Variants in FUT9 observed in about 807,000 individuals in gnomAD.
The protein encoded by FUT9 is 4-galactosyl-N-acetylglucosaminide 3-alpha-L-fucosyltransferase 9.
FUT9 carries 15 observed loss-of-function variants against 29.7 expected under a neutral mutation model. The observed-to-expected ratio is 0.51, with a 90% CI of 0.34 to 0.78. The LOEUF (loss-of-function observed/expected upper bound fraction) is 0.78, where lower values mean the gene tolerates loss of function less well. FUT9 is among the 30% of genes least tolerant of loss of function. The probability of loss-of-function intolerance (pLI) is 0.01; values close to 1 mark genes in which losing one functional copy is unlikely to be tolerated. For missense variants in FUT9, 319 were observed against 425.4 expected, an observed-to-expected ratio of 0.75 and a Z score of 2.20; for synonymous variants, 169 against 153.7, an observed-to-expected ratio of 1.10 and a Z score of -0.74.
intron 1 of FUT9, among the ~76,000 whole-genome samples, chr6:96,082,187 T>A (rs1446127745): frequency 6.6e-6 from 1 of 151,780 alleles, no homozygotes; most frequent in Non-Finnish European, 1.5e-5. Context: ...ATTTTCCTTT[T>A]GAGTTTGGAT....
intron 1 of FUT9, among the ~76,000 whole-genome samples, chr6:96,063,742 G>C (rs1770915575): frequency 6.6e-6 from 1 of 152,104 alleles, no homozygotes; most frequent in African/African-American, 2.4e-5. Flanking sequence ...TACATAAAGT[G>C]GGAAGCAAAA....
chr6:96,085,342 T>C (rs1333551249), intron 1 of FUT9, among the ~76,000 whole-genome samples: 2 of 152,146 alleles, frequency 1.3e-5, no homozygotes, highest in Non-Finnish European at 2.9e-5. Context: ...AAGGGCCCTC[T>C]TCCCTCATAG....
intron 2 of FUT9, among the ~76,000 whole-genome samples, chr6:96,177,128 C>G (rs905110551): frequency 6.6e-6 from 1 of 152,108 alleles, no homozygotes; most frequent in Non-Finnish European, 1.5e-5. Context: ...TTAGATCAAA[C>G]CCAGAGAACT....
At chr6:96,132,177 ATTAT>A (rs1772257746) in intron 2 of FUT9, among the ~76,000 whole-genome samples, 1 of 150,642 alleles carries the variant, frequency 6.6e-6, no homozygotes, top group Non-Finnish European at 1.5e-5. Flanking sequence ...TGTTTTTGAT[ATTAT>A]TTGTTTTTTT....
intron 1 of FUT9, chr6:96,036,590 C>T (rs1203281566): frequency 2.6e-5 from 4 of 151,878 alleles, no homozygotes; most frequent in Non-Finnish European, 4.4e-5. Context: ...TACATTTAAT[C>T]ATGATTGTTA....
chr6:96,211,841 T>C lies in FUT9; in HGVS notation c.*7606T>C. On this transcript the variant is annotated 3_prime_UTR_variant, in exon 3 of 3. Transcript: ENST00000302103. Reference sequence around the variant, plus strand: ...CTTTAAAGAGTATTAGAAATGTCTGTTATGTCAGTAACATTAGAAAACTTC... The same window carrying C: ...CTTTAAAGAGTATTAGAAATGTCTGCTATGTCAGTAACATTAGAAAACTTC... 1 of 360,614 alleles carries C rather than the reference T, an allele frequency of 2.8e-6. No homozygotes were observed. The highest frequency in any genetic ancestry group is 4.7e-5 in the Admixed American group (1 of 21,354). The allele number at this position is 360,614 out of a possible 1,614,324, so 22.3% of individuals were successfully genotyped here.
chr6:96,098,893 G>A (rs889492573), intron 1 of FUT9, among the ~76,000 whole-genome samples: 3 of 152,074 alleles, frequency 2.0e-5, no homozygotes, highest in African/African-American at 7.2e-5. Flanking sequence ...ACTTTTCCCT[G>A]AGATACTGTT....
At chr6:96,084,995 T>G (rs1771291971) in intron 1 of FUT9, among the ~76,000 whole-genome samples, 1 of 152,186 alleles carries the variant, frequency 6.6e-6, no homozygotes, top group Non-Finnish European at 1.5e-5. Context: ...ATAATTTCTA[T>G]CCACATTGCT....
chr6:96,068,788 A>G (rs1420953206), intron 1 of FUT9, among the ~76,000 whole-genome samples: 1 of 152,190 alleles, frequency 6.6e-6, no homozygotes, highest in Non-Finnish European at 1.5e-5. Context: ...CCTTCATGCC[A>G]TTGTGAAAAT....
chr6:96,093,818 A>G (rs142080363), intron 1 of FUT9, among the ~76,000 whole-genome samples: 21 of 152,258 alleles, frequency 1.4e-4, no homozygotes, highest in Non-Finnish European at 2.2e-4. Context: ...AGGAAGGTAT[A>G]CATTACTGTT....
At chr6:96,200,713 G>A (rs1286413426) in intron 2 of FUT9, among the ~76,000 whole-genome samples, 4 of 152,072 alleles carry the variant, frequency 2.6e-5, no homozygotes, top group Non-Finnish European at 4.4e-5. Context: ...CTCACAGGAA[G>A]AAAACACTGC....
rs1414238154 is a variant in FUT9, at chr6:96,167,564, G to A, written c.-8-35584G>A. Among the ~76,000 whole-genome samples the A allele has an allele frequency of 2.0e-5, 3 of 152,098 alleles. No homozygotes were observed. In the East Asian group the frequency reaches 5.8e-4, roughly 29 times the overall value. On this transcript the variant is annotated intron_variant, in intron 2 of 2. Coordinates refer to ENST00000302103, the MANE Select transcript of FUT9 (RefSeq NM_006581.4). Reference sequence around the variant, plus strand: ...GTGCCAGAAAATGTCTAGACATGTGGGACACTTCAGATGAGCAAAGCAGAC... The same window carrying A: ...GTGCCAGAAAATGTCTAGACATGTGAGACACTTCAGATGAGCAAAGCAGAC...
intron 1 of FUT9, among the ~76,000 whole-genome samples, chr6:96,060,108 T>C (rs1310242889): frequency 1.3e-5 from 2 of 152,226 alleles, no homozygotes; most frequent in African/African-American, 4.8e-5. Context: ...TACAAAATTT[T>C]ATCTTGTTCT....
intron 2 of FUT9, among the ~76,000 whole-genome samples, chr6:96,146,475 A>G (rs1772569854): frequency 6.6e-6 from 1 of 152,210 alleles, no homozygotes; most frequent in South Asian, 2.1e-4. Flanking sequence ...CTGAGGGGTT[A>G]TATCTTTTTA....
chr6:96,044,277 C>G (rs1293648107), intron 1 of FUT9, among the ~76,000 whole-genome samples: 1 of 152,108 alleles, frequency 6.6e-6, no homozygotes, highest in African/African-American at 2.4e-5. Flanking sequence ...AATAATTGTC[C>G]TTAAACCTGA....
intron 1 of FUT9, among the ~76,000 whole-genome samples, chr6:96,105,543 C>T (rs1771662731): frequency 6.6e-6 from 1 of 152,146 alleles, no homozygotes; most frequent in South Asian, 2.1e-4. Context: ...AAAATACATA[C>T]TATGCTAAAT....
At chr6:96,107,327 A>T (rs575648211) in intron 1 of FUT9, among the ~76,000 whole-genome samples, 1 of 152,316 alleles carries the variant, frequency 6.6e-6, no homozygotes, top group African/African-American at 2.4e-5. Flanking sequence ...GATTCCATAA[A>T]TGTTTTGATT....
intron 1 of FUT9, among the ~76,000 whole-genome samples, chr6:96,026,775 A>G (rs1770176189): frequency 1.3e-5 from 2 of 151,674 alleles, no homozygotes; most frequent in Non-Finnish European, 3.0e-5. Flanking sequence ...TATTAACACA[A>G]TGGCAGGTTT....
At chr6:96,054,003 A>G (rs1472595594) in intron 1 of FUT9, among the ~76,000 whole-genome samples, 1 of 152,214 alleles carries the variant, frequency 6.6e-6, no homozygotes, top group Non-Finnish European at 1.5e-5. Context: ...GATCTGTTTA[A>G]TCTTGCTAAA....
Sources: gnomAD v4.1 joint callset for allele counts (sites outside exome capture counted in the v4.1 genomes callset) on GRCh38, gnomAD v4.1.1 for gene constraint, MANE v1.5 for transcripts, NCBI Gene and HGNC (gene_info 2026-07-23, HGNC 2026-07-21) for gene names.